Variants in SNW1 observed in about 807,000 individuals in gnomAD.
The protein encoded by SNW1 is SNW domain containing 1, also known as SNW domain-containing protein 1.
SNW1 carries 9 observed loss-of-function variants against 75.6 expected under a neutral mutation model. That is an observed-to-expected ratio of 0.12 (90% confidence interval 0.07 to 0.21). The LOEUF (loss-of-function observed/expected upper bound fraction) is 0.21. SNW1 is among the 10% of genes least tolerant of loss of function. The pLI is 1.00. For synonymous variants in SNW1, 200 were observed against 219.1 expected, an observed-to-expected ratio of 0.91 and a Z score of 0.77; for missense variants, 409 against 670.9, an observed-to-expected ratio of 0.61 and a Z score of 4.31.
chr14:77,729,072 A>T (rs1013061614), intron 10 of SNW1, among the ~76,000 whole-genome samples: 4 of 152,172 alleles, frequency 2.6e-5, no homozygotes, highest in African/African-American at 9.7e-5. Flanking sequence ...TATATAACTG[A>T]GGGAAGTGGA....
rs547662839 is a variant in SNW1, at chr14:77,732,196, C to A, written c.891+289G>T. ...TCTAAAATAGAGGAAAATTTGAAAT[C>A]AAAAATTATGAAACCTAGCAATCTT... On this transcript the variant is annotated intron_variant, in intron 9 of 13. Coordinates refer to ENST00000261531, the MANE Select transcript of SNW1 (RefSeq NM_012245.3). Among the ~76,000 whole-genome samples the A allele has an allele frequency of 9.2e-5, 14 of 152,254 alleles. 1 individual carries two copies. In the South Asian group the frequency reaches 1.0e-3, roughly 11 times the overall value.
In SNW1 at chr14:77,751,417, G is replaced by A. The variant is rs949073507; in HGVS notation, c.232C>T (p.Arg78Ter). Residue 78 changes from arginine to a stop codon, truncating the protein, a stop_gained, in exon 3 of 14, where the codon CGA becomes TGA. Transcript: ENST00000261531. LOFTEE classifies it high-confidence loss of function. ...HVAQYPLDMG[R>*]KKKMSNALAI... is the part of the protein sequence containing the mutation. ...AGCGCATTCGACATTTTTTTCTTTC[G>A]TCCCATATCCAGTGGATACTGGGCC... 1.2e-6 allele frequency: 2 copies of A among 1,612,570 alleles called. No individual in the cohort carries two copies. Among genetic ancestry groups the A allele is most frequent in the African/African-American group, 1.3e-5 (1 of 74,644 alleles).
chr14:77,760,773 G>C, intron 1 of SNW1: 1 of 704,876 alleles, frequency 1.4e-6, no homozygotes, highest in South Asian at 1.5e-5. Context: ...AGCCACTACC[G>C]TCACCAACCC....
chr14:77,742,393 G>A (rs1389603137), intron 3 of SNW1, among the ~76,000 whole-genome samples: 1 of 152,096 alleles, frequency 6.6e-6, no homozygotes, highest in Non-Finnish European at 1.5e-5. Context: ...TGAGTACCAG[G>A]AGGCAAATGG....
chr14:77,755,517 CA>C (rs1426935671), intron 1 of SNW1, among the ~76,000 whole-genome samples: 9 of 152,054 alleles, frequency 5.9e-5, no homozygotes, highest in Non-Finnish European at 2.9e-5. Flanking sequence ...CTCCTGGGTT[CA>C]AGTGATTTTC....
intron 13 of SNW1, 37 bp downstream of exon 13, chr14:77,718,330 A>G (rs1566824427): frequency 6.2e-7 from 1 of 1,614,218 alleles, no homozygotes; most frequent in South Asian, 1.1e-5. Flanking sequence ...TGCTTTCACC[A>G]GTGTAAACAC....
chr14:77,760,750 C>T (rs2080882420), intron 1 of SNW1: 1 of 703,094 alleles, frequency 1.4e-6, no homozygotes, highest in Non-Finnish European at 2.6e-6. Context: ...GCGCGCTTCA[C>T]TCCGCCCAAA....
intron 3 of SNW1, among the ~76,000 whole-genome samples, chr14:77,739,833 G>T (rs761410993): frequency 5.3e-5 from 8 of 151,902 alleles, no homozygotes; most frequent in Non-Finnish European, 1.2e-4. Context: ...ATATTTTAAA[G>T]TAAAAAAGAG....
chr14:77,754,038 T>C (rs549265552), intron 2 of SNW1, among the ~76,000 whole-genome samples: 4 of 152,016 alleles, frequency 2.6e-5, no homozygotes, highest in Non-Finnish European at 4.4e-5. Context: ...CTTGTTCTTT[T>C]TATTTTTATT....
Position 77,720,777 on chromosome 14 carries a change from G to A in SNW1, c.1182C>T (p.Leu394=), listed in dbSNP as rs776863067. 11 of 1,613,728 alleles carry A rather than the reference G, an allele frequency of 6.8e-6. No individual in the cohort carries two copies. The African/African-American group carries it at 8.0e-5, about 12-fold the overall frequency. The change falls in exon 12 of 14, where the codon CTC becomes CTT. Residue 394 remains leucine, a synonymous_variant. Coordinates refer to ENST00000261531, the MANE Select transcript of SNW1 (RefSeq NM_012245.3). ...ENRDISEVIA[L]GVPNPRTSNE... is the part of the protein sequence containing the mutation. ...TGGAAGTCCGAGGATTAGGAACACC[G>A]AGAGCAATAACTTCACTGATATCCC...
At chr14:77,728,913 T>A (rs2139900705) in intron 10 of SNW1, among the ~76,000 whole-genome samples, 1 of 152,364 alleles carries the variant, frequency 6.6e-6, no homozygotes, top group South Asian at 2.1e-4. Flanking sequence ...AGAGATTCAT[T>A]AAAATTTTTA....
At chr14:77,756,306 A>G (rs2080842418) in intron 1 of SNW1, among the ~76,000 whole-genome samples, 2 of 150,018 alleles carry the variant, frequency 1.3e-5, no homozygotes, top group Non-Finnish European at 3.0e-5. Flanking sequence ...TTTAGTAGAG[A>G]CTGGTTTTTG....
At chr14:77,746,466 A>G (rs1594804572) in intron 3 of SNW1, among the ~76,000 whole-genome samples, 1 of 152,250 alleles carries the variant, frequency 6.6e-6, no homozygotes, top group Non-Finnish European at 1.5e-5. Flanking sequence ...TGAGGGAAAC[A>G]AGAACTAGAA....
intron 7 of SNW1, 50 bp from the exon 8 acceptor site, chr14:77,735,062 G>A (rs766219046): frequency 3.6e-5 from 46 of 1,280,876 alleles, no homozygotes; most frequent in Non-Finnish European, 4.7e-5. Context: ...AGTCTACAAA[G>A]TAAATCTAAG....
chr14:77,732,396 G>T, intron 9 of SNW1, 89 bp downstream of exon 9: 2 of 772,656 alleles, frequency 2.6e-6, no homozygotes, highest in South Asian at 1.5e-5. Context: ...TTGGGTGCTC[G>T]GTACTATAGT....
chr14:77,760,990 T>G, intron 1 of SNW1, 124 bp downstream of exon 1: 1 of 1,609,206 alleles, frequency 6.2e-7, no homozygotes. Flanking sequence ...GGCGTAGCCG[T>G]AGTCTTGGCC....
intron 6 of SNW1, among the ~76,000 whole-genome samples, chr14:77,736,554 A>AAAAAAAC (rs56092233): frequency 6.7e-6 from 1 of 148,996 alleles, no homozygotes; most frequent in Non-Finnish European, 1.5e-5. Context: ...CTCTCAAAAA[A>AAAAAAAC]CAAAAACAAA....
intron 3 of SNW1, among the ~76,000 whole-genome samples, chr14:77,741,779 G>A (rs1242224477): frequency 3.3e-5 from 5 of 152,098 alleles, no homozygotes; most frequent in Non-Finnish European, 7.4e-5. Flanking sequence ...TAATCATGAG[G>A]AGTTTATCAC....
In SNW1 at chr14:77,761,142, T is replaced by G. The variant is rs1170276012; in HGVS notation, c.-15A>C. The G allele has an allele frequency of 6.2e-7, 1 of 1,614,222 alleles. No individual in the cohort carries two copies. The highest frequency in any genetic ancestry group is 1.7e-5 in the Admixed American group (1 of 60,032). On this transcript the variant is annotated 5_prime_UTR_variant, in exon 1 of 14. Coordinates refer to ENST00000261531, the MANE Select transcript of SNW1 (RefSeq NM_012245.3). ...GTGAGCGCCATCTTCTTCCGCTTCT[T>G]CCAGCGCGAGCGACAGCACCGCTGG...
Sources: allele counts gnomAD v4.1 joint callset (sites outside exome capture counted in the v4.1 genomes callset), GRCh38; gene constraint gnomAD v4.1.1; transcripts MANE v1.5; gene names NCBI Gene and HGNC (gene_info 2026-07-23, HGNC 2026-07-21).